THOC1: variants seen among roughly 807,000 people sequenced by gnomAD.
THOC1 encodes THO complex subunit 1.
THOC1 carries 29 observed loss-of-function variants against 97.3 expected under a neutral mutation model. The ratio of observed to expected loss-of-function variants is 0.30; its 90% confidence interval spans 0.22 to 0.41. The LOEUF is 0.41. Among genes scored for constraint, THOC1 ranks in the 10% least tolerant of loss-of-function variants. THOC1 has a pLI of 1.00. For synonymous variants in THOC1, 255 were observed against 257.0 expected, an observed-to-expected ratio of 0.99 and a Z score of 0.07; for missense variants, 529 against 761.9, an observed-to-expected ratio of 0.69 and a Z score of 3.60.
At chr18:219,954 AATAAAATTTTG>A (rs1487874089) in intron 17 of THOC1, among the ~76,000 whole-genome samples, 1 of 152,190 alleles carries the variant, frequency 6.6e-6, no homozygotes, top group Non-Finnish European at 1.5e-5. Context: ...TGTTTTTAGA[AATAAAATTTTG>A]ATACAGGGTC....
chr18:223,450 A>AT lies in THOC1; in HGVS notation c.1359dup (p.Ser454IlefsTer15). On this transcript the variant is annotated frameshift_variant, in exon 17 of 21. Transcript: ENST00000261600. LOFTEE classifies it high-confidence loss of function. ...AAATGTTCAACTTGCCTTGTCTCTGATTTACAGGCTTCCATATTATCAGGG... is the reference window on the plus strand; with the variant it reads ...AAATGTTCAACTTGCCTTGTCTCTGATTTTACAGGCTTCCATATTATCAGGG... The AT allele has an allele frequency of 6.4e-7, 1 of 1,557,702 alleles. No individual in the cohort carries two copies. Among genetic ancestry groups the AT allele is most frequent in the Non-Finnish European group, 8.7e-7 (1 of 1,149,686 alleles).
Position 246,354 on chromosome 18 carries a change from T to C in THOC1, c.888A>G (p.Val296=), listed in dbSNP as rs1356135093. The change falls in exon 11 of 21, where the codon GTA becomes GTG. Residue 296 remains valine, a synonymous_variant. Coordinates refer to ENST00000261600, the MANE Select transcript of THOC1 (RefSeq NM_005131.3). ...CACTTGTTAAAAATTTTGCAAAATA[T>C]ACATGTTCTCCTCCTGTTTTCAATT... ...MEELKTGGEH[V]YFAKFLTSEK... The C allele has an allele frequency of 6.3e-7, 1 of 1,595,358 alleles. No individual in the cohort carries two copies. The highest frequency in any genetic ancestry group is 1.3e-5 in the African/African-American group (1 of 74,416).
chr18:252,502 C>G, intron 9 of THOC1, 37 bp downstream of exon 9: 1 of 1,476,698 alleles, frequency 6.8e-7, no homozygotes, highest in Non-Finnish European at 9.5e-7. Context: ...AGGAGATTAT[C>G]TCTGTAAATC....
chr18:228,324 G>A (rs919441184), intron 11 of THOC1, among the ~76,000 whole-genome samples: 2 of 151,962 alleles, frequency 1.3e-5, no homozygotes, highest in African/African-American at 2.4e-5. Context: ...GGATCTTACC[G>A]AGACTTTAAG....
In THOC1 at chr18:267,923, C is replaced by G. The variant is rs146509107; in HGVS notation, c.54+43G>C. 2.9e-4 allele frequency: 460 copies of G among 1,572,752 alleles called. 3 individuals carry two copies. The African/African-American group carries it at 5.6e-3, about 19-fold the overall frequency. ...TAATTTCAGGGAGAAGAGGACAAAG[C>G]ATAGCGCCGGGTCAGGCCTGCACCC... On this transcript the variant is annotated intron_variant, in intron 1 of 20. Transcript: ENST00000261600.
intron 11 of THOC1, among the ~76,000 whole-genome samples, chr18:230,887 C>T (rs1390681900): frequency 6.6e-6 from 1 of 152,162 alleles, no homozygotes; most frequent in African/African-American, 2.4e-5. Flanking sequence ...CGGCATATGC[C>T]ACAATGCCCA....
intron 7 of THOC1, among the ~76,000 whole-genome samples, chr18:257,006 A>G (rs1167599005): frequency 6.6e-6 from 1 of 152,218 alleles, no homozygotes; most frequent in Non-Finnish European, 1.5e-5. Flanking sequence ...GGTCATTACC[A>G]GTTTTTAGCA....
At chr18:261,759 A>G (rs1005950219) in intron 4 of THOC1, among the ~76,000 whole-genome samples, 3 of 152,238 alleles carry the variant, frequency 2.0e-5, no homozygotes, top group Admixed American at 2.0e-4. Flanking sequence ...GCCTGGAATA[A>G]GTTAACTCAC....
At position 224,911 on chromosome 18, in the gene THOC1, AGTAT is replaced by A. The variant is rs1567844223; in HGVS notation, c.1208+9_1208+12del. On this transcript the variant is annotated intron_variant, in intron 15 of 20. Transcript: ENST00000261600. ...ATGAGTATGTATTTACCTTTCTTTCAGTATGTATTTACCTTTCTTTCACAAAACT... is the reference window on the plus strand; with the variant it reads ...ATGAGTATGTATTTACCTTTCTTTCAGTATTTACCTTTCTTTCACAAAACT... 1 of 1,559,146 alleles carries A rather than the reference AGTAT, an allele frequency of 6.4e-7. No individual in the cohort carries two copies. The highest frequency in any genetic ancestry group is 8.7e-7 in the Non-Finnish European group (1 of 1,148,694).
intron 7 of THOC1, among the ~76,000 whole-genome samples, chr18:257,833 C>G (rs902269267): frequency 2.6e-5 from 4 of 151,306 alleles, no homozygotes; most frequent in Admixed American, 1.3e-4. Context: ...TAGAGAGAGA[C>G]AAACAGATGA....
At position 218,879 on chromosome 18, in the gene THOC1, T is replaced by C. The variant is rs756938314; in HGVS notation, c.1454+7A>G. 5 of 1,585,492 alleles carry C rather than the reference T, an allele frequency of 3.2e-6. No homozygotes were observed. The highest frequency in any genetic ancestry group is 3.5e-5 in the Admixed American group (2 of 56,462). ...AATTAAAAGGAGCTAATGAGGAGCA[T>C]ACTTACTTATATTCATTTTCCACCA... On this transcript the variant is annotated splice_region_variant and intron_variant, in intron 18 of 20. Coordinates refer to ENST00000261600, the MANE Select transcript of THOC1 (RefSeq NM_005131.3).
At chr18:266,527 A>G (rs1024683504) in intron 1 of THOC1, among the ~76,000 whole-genome samples, 6 of 147,686 alleles carry the variant, frequency 4.1e-5, no homozygotes, top group Admixed American at 1.4e-4. Context: ...GGTCCTTTTC[A>G]GGGCTAGTAT....
intron 5 of THOC1, 25 bp from the exon 6 acceptor site, chr18:259,755 CTCT>C (rs1220743943): frequency 6.6e-7 from 1 of 1,512,494 alleles, no homozygotes; most frequent in East Asian, 2.5e-5. Context: ...GAAATTATCA[CTCT>C]TCTTCAGAAC....
intron 18 of THOC1, among the ~76,000 whole-genome samples, chr18:217,571 T>C (rs1910935990): frequency 6.6e-6 from 1 of 152,128 alleles, no homozygotes; most frequent in East Asian, 1.9e-4. Context: ...GGAGAGTACC[T>C]GAGGCACAGT....
At chr18:265,266 T>C in intron 3 of THOC1, 37 bp downstream of exon 3, 2 of 1,501,112 alleles carry the variant, frequency 1.3e-6, no homozygotes, top group South Asian at 1.3e-5. Flanking sequence ...TTTATTAATT[T>C]GTCAGTAAAA....
chr18:260,344 C>A (rs1197537295), intron 4 of THOC1, 40 bp from the exon 5 acceptor site: 2 of 1,287,318 alleles, frequency 1.6e-6, no homozygotes, highest in Admixed American at 3.0e-5. Flanking sequence ...GTTTAAAAAA[C>A]TGTAGAGTAG....
chr18:220,771 A>T (rs1458191093), intron 17 of THOC1, among the ~76,000 whole-genome samples: 1 of 152,098 alleles, frequency 6.6e-6, no homozygotes. Context: ...TCATGTTAGA[A>T]TTTTATCTAT....
intron 11 of THOC1, chr18:245,677 T>C (rs1361687324): frequency 1.3e-5 from 2 of 152,514 alleles, no homozygotes; most frequent in East Asian, 3.8e-4. Context: ...GCCAAATTCC[T>C]GGACACCACC....
chr18:229,694 A>T (rs1303952048), intron 11 of THOC1, among the ~76,000 whole-genome samples: 1 of 152,120 alleles, frequency 6.6e-6, no homozygotes, highest in Non-Finnish European at 1.5e-5. Flanking sequence ...GGGCGGGGGA[A>T]GAAAGTGTTT....
Sources: gnomAD v4.1 joint callset for allele counts (sites outside exome capture counted in the v4.1 genomes callset) on GRCh38, gnomAD v4.1.1 for gene constraint, MANE v1.5 for transcripts, NCBI Gene and HGNC (gene_info 2026-07-23, HGNC 2026-07-21) for gene names.